The following NOVA1 variants were observed in gnomAD, a reference collection of about 807,000 sequenced individuals.
NOVA1 encodes the protein RNA-binding protein Nova-1.
NOVA1 carries 7 observed loss-of-function variants against 38.0 expected under a neutral mutation model. That is an observed-to-expected ratio of 0.18 (90% CI 0.10 to 0.35). The LOEUF (loss-of-function observed/expected upper bound fraction) is 0.35, where lower values mean the gene tolerates loss of function less well. Among genes scored for constraint, NOVA1 ranks in the 10% least tolerant of loss-of-function variants. The pLI, the probability that NOVA1 is intolerant of heterozygous loss-of-function variation, is 1.00. For missense variants in NOVA1, 460 were observed against 616.0 expected, an observed-to-expected ratio of 0.75 and a Z score of 2.68; for synonymous variants, 270 against 232.5, an observed-to-expected ratio of 1.16 and a Z score of -1.47.
At chr14:26,453,557 C>G (rs1347670496) in intron 4 of NOVA1, among the ~76,000 whole-genome samples, 1 of 152,072 alleles carries the variant, frequency 6.6e-6, no homozygotes, top group African/African-American at 2.4e-5. Context: ...AAAAGAACTT[C>G]TATAACAATC....
chr14:26,549,244 T>C (rs1891016448), intron 2 of NOVA1: 1 of 151,996 alleles, frequency 6.6e-6, no homozygotes. Flanking sequence ...AAACTGGCTT[T>C]GTTGCAAAAC....
In NOVA1 at chr14:26,481,988, TAA is replaced by T. The variant is rs372806170; in HGVS notation, c.281-1847_281-1846del. On this transcript the variant is annotated intron_variant, in intron 2 of 4. Coordinates refer to ENST00000539517, the MANE Select transcript of NOVA1 (RefSeq NM_002515.3). ...CAAAACAGTCTAACTTAGATAGAGA[TAA>T]AAAAAAAAAAAAAAAAAAAAAAAAC... Among the ~76,000 whole-genome samples, 857 of 105,854 alleles carry T rather than the reference TAA, an allele frequency of 8.1e-3. 1 individual carries two copies. Among genetic ancestry groups the T allele is most frequent in the African/African-American group, 0.039 (769 of 19,632 alleles). The allele number at this position is 105,854 out of a possible 152,430, so 69.4% of individuals were successfully genotyped here.
At chr14:26,596,775 G>GGCAT (rs930041613) in intron 1 of NOVA1, 4 of 1,209,292 alleles carry the variant, frequency 3.3e-6, no homozygotes, top group East Asian at 6.0e-5. Context: ...GTGCGGTAAG[G>GGCAT]GCATGCACTC....
At chr14:26,545,775 G>C (rs1489102284) in intron 2 of NOVA1, among the ~76,000 whole-genome samples, 1 of 151,934 alleles carries the variant, frequency 6.6e-6, no homozygotes, top group Non-Finnish European at 1.5e-5. Context: ...GTGGCAGTAA[G>C]GATTCGAGAT....
chr14:26,515,507 C>T (rs1404080047), intron 2 of NOVA1, among the ~76,000 whole-genome samples: 1 of 151,950 alleles, frequency 6.6e-6, no homozygotes, highest in African/African-American at 2.4e-5. Flanking sequence ...TATATGCAAA[C>T]AGAGACTCCA....
In NOVA1 at chr14:26,553,002, GT is replaced by G. The variant is rs201097200; in HGVS notation, c.280+42407del. On this transcript the variant is annotated intron_variant, in intron 2 of 4. Transcript: ENST00000539517. ...AAGCCATAATAAGGACTTTGGGTTT[GT>G]TTTTTGTTTTTACTGTTTTAGAAAG... Among the ~76,000 whole-genome samples, 1,203 of 152,178 alleles carry G rather than the reference GT, an allele frequency of 7.9e-3. 14 individuals are homozygous for G. Among genetic ancestry groups the G allele is most frequent in the African/African-American group, 0.027 (1,130 of 41,538 alleles).
intron 3 of NOVA1, among the ~76,000 whole-genome samples, chr14:26,473,608 TAAGAGTTAA>T (rs1021456947): frequency 6.6e-6 from 1 of 151,942 alleles, no homozygotes; most frequent in Non-Finnish European, 1.5e-5. Context: ...ATAAAGCCAT[TAAGAGTTAA>T]AAATAAAAAA....
chr14:26,470,520 A>G (rs375684398), intron 4 of NOVA1: 18 of 1,388,318 alleles, frequency 1.3e-5, no homozygotes, highest in African/African-American at 5.7e-5. Flanking sequence ...AAAACAGAGT[A>G]TAAGTAACAA....
chr14:26,443,221 TAACCC>T lies in NOVA1; in HGVS notation c.*4733_*4737del, dbSNP rs1159449332. ...TTTTTGCTTGTTTATATATCTATGG[TAACCC>T]AAGTATTGGCTTCTGTACCACTTTG... On this transcript the variant is annotated 3_prime_UTR_variant, in exon 5 of 5. Transcript: ENST00000539517. 3 of 152,072 alleles carry T rather than the reference TAACCC, an allele frequency of 2.0e-5. No homozygotes were observed. Among genetic ancestry groups the T allele is most frequent in the African/African-American group, 7.2e-5 (3 of 41,442 alleles). The allele number at this position is 152,072 out of a possible 1,614,324, so 9.4% of individuals were successfully genotyped here.
chr14:26,512,713 C>T (rs190558269), intron 2 of NOVA1, among the ~76,000 whole-genome samples: 2 of 152,178 alleles, frequency 1.3e-5, no homozygotes, highest in East Asian at 3.9e-4. Flanking sequence ...CAAATTAGTT[C>T]TTCAAATTGT....
At chr14:26,483,246 A>C (rs1885602670) in intron 2 of NOVA1, among the ~76,000 whole-genome samples, 1 of 152,220 alleles carries the variant, frequency 6.6e-6, no homozygotes, top group Admixed American at 6.5e-5. Flanking sequence ...AGTCAGTTAC[A>C]CAGTTCCTGT....
At chr14:26,472,726 A>C (rs1594357108) in intron 3 of NOVA1, among the ~76,000 whole-genome samples, 1 of 151,694 alleles carries the variant, frequency 6.6e-6, no homozygotes, top group Non-Finnish European at 1.5e-5. Context: ...AGAGATGTAA[A>C]AAAAAAAAAA....
intron 2 of NOVA1, among the ~76,000 whole-genome samples, chr14:26,573,059 C>T (rs1892591127): frequency 1.3e-5 from 2 of 151,780 alleles, no homozygotes; most frequent in South Asian, 2.1e-4. Context: ...AGGACAGAAT[C>T]GAATGTAACC....
At chr14:26,458,920 A>G (rs972577874) in intron 4 of NOVA1, among the ~76,000 whole-genome samples, 5 of 152,162 alleles carry the variant, frequency 3.3e-5, no homozygotes, top group African/African-American at 1.2e-4. Context: ...AAGTCAAAAG[A>G]GCCAAAAAGT....
intron 2 of NOVA1, among the ~76,000 whole-genome samples, chr14:26,522,284 C>A (rs910609623): frequency 1.3e-5 from 2 of 152,062 alleles, no homozygotes; most frequent in Non-Finnish European, 2.9e-5. Context: ...ATGGAAATTT[C>A]TTTTGAACTG....
At chr14:26,476,662 A>AT (rs1363220605) in intron 3 of NOVA1, among the ~76,000 whole-genome samples, 3 of 151,426 alleles carry the variant, frequency 2.0e-5, no homozygotes, top group Non-Finnish European at 4.4e-5. Flanking sequence ...TTACAAGACT[A>AT]TTAACTGTCA....
At chr14:26,526,731 A>G (rs1566505119) in intron 2 of NOVA1, among the ~76,000 whole-genome samples, 2 of 152,168 alleles carry the variant, frequency 1.3e-5, no homozygotes. Flanking sequence ...AGGGGATAAG[A>G]GCTAAAAACA....
intron 2 of NOVA1, among the ~76,000 whole-genome samples, chr14:26,482,959 G>A (rs1411354848): frequency 1.3e-5 from 2 of 152,084 alleles, no homozygotes; most frequent in African/African-American, 4.8e-5. Flanking sequence ...GCCTCCCAAA[G>A]TGCTAGGATT....
chr14:26,447,950 C>CTGTTCTACTGGCCAGTAG lies in NOVA1; in HGVS notation c.*8_*9insCTACTGGCCAGTAGAACA. The CTGTTCTACTGGCCAGTAG allele has an allele frequency of 6.2e-7, 1 of 1,611,650 alleles. No individual in the cohort carries two copies. Among genetic ancestry groups the CTGTTCTACTGGCCAGTAG allele is most frequent in the South Asian group, 1.1e-5 (1 of 91,002 alleles). On this transcript the variant is annotated 3_prime_UTR_variant, in exon 5 of 5. Transcript: ENST00000539517. ...GGGGTTAAAACAATCTGATGTGTAACTGGGGCACTCAACCCACTTTCTGAG... is the reference window on the plus strand; with the variant it reads ...GGGGTTAAAACAATCTGATGTGTAACTGTTCTACTGGCCAGTAGTGGGGCACTCAACCCACTTTCTGAG...
Sources: gnomAD v4.1 joint callset for allele counts (sites outside exome capture counted in the v4.1 genomes callset) on GRCh38, gnomAD v4.1.1 for gene constraint, MANE v1.5 for transcripts, NCBI Gene and HGNC (gene_info 2026-07-23, HGNC 2026-07-21) for gene names.